HGS: variants seen among roughly 807,000 people sequenced by gnomAD.
HGS encodes hepatocyte growth factor-regulated tyrosine kinase substrate, also known as human growth factor-regulated tyrosine kinase substrate.
In HGS, 63 loss-of-function variants were observed where a neutral mutation model predicts 109.7. The ratio of observed to expected loss-of-function variants is 0.57; its 90% confidence interval spans 0.47 to 0.71. The LOEUF (loss-of-function observed/expected upper bound fraction) is 0.71. Among genes scored for constraint, HGS ranks in the 30% least tolerant of loss-of-function variants. The probability of loss-of-function intolerance (pLI) is 0.00; values close to 1 mark genes in which losing one functional copy is unlikely to be tolerated. For missense variants in HGS, 995 were observed against 1,068.3 expected (o/e 0.93, Z 0.96); for synonymous variants, 546 against 437.3 (o/e 1.25, Z -3.10).
intron 18 of HGS, chr17:81,697,591 C>G (rs2037174570): frequency 7.0e-6 from 1 of 143,802 alleles, no homozygotes; most frequent in Non-Finnish European, 1.5e-5. Flanking sequence ...CAGGGGTTTT[C>G]ACTGTGAAGT....
intron 5 of HGS, among the ~76,000 whole-genome samples, chr17:81,689,031 G>A (rs879481762): frequency 2.0e-5 from 3 of 152,250 alleles, no homozygotes; most frequent in East Asian, 1.9e-4. Context: ...CACGGCCCAC[G>A]GGCAGGGGCA....
intron 2 of HGS, among the ~76,000 whole-genome samples, chr17:81,685,915 C>T (rs532430155): frequency 6.6e-6 from 1 of 152,240 alleles, no homozygotes; most frequent in South Asian, 2.1e-4. Context: ...TCGGGGTTCT[C>T]AAAGACTAAG....
At position 81,697,019 on chromosome 17, in the gene HGS, A is replaced by G. The variant is rs760599355; in HGVS notation, c.1882+21A>G. 4 of 1,532,850 alleles carry G rather than the reference A, an allele frequency of 2.6e-6. No homozygotes were observed. In the African/African-American group the frequency reaches 4.2e-5, roughly 16 times the overall value. The allele number at this position is 1,532,850 out of a possible 1,614,324, so 95.0% of individuals were successfully genotyped here. On this transcript the variant is annotated intron_variant, in intron 18 of 21. Coordinates refer to ENST00000329138, the MANE Select transcript of HGS (RefSeq NM_004712.5). ...GGCTGGTAAGGACGGGTCGGGGCAG[A>G]GACCATGCCTTTTATCCCTCGTCTT...
chr17:81,687,903 C>T (rs1433187908), intron 4 of HGS, among the ~76,000 whole-genome samples: 1 of 152,336 alleles, frequency 6.6e-6, no homozygotes, highest in South Asian at 2.1e-4. Context: ...TGGCTGGCTT[C>T]CTGTCCCGTC....
At chr17:81,684,149 C>G in intron 1 of HGS, 46 bp downstream of exon 1, 1 of 1,464,836 alleles carries the variant, frequency 6.8e-7, no homozygotes, top group Non-Finnish European at 9.0e-7. Context: ...AGCCCGCAGC[C>G]TCCGCCCGGC....
intron 21 of HGS, 146 bp from the exon 22 acceptor site, chr17:81,701,362 A>G (rs955292170): frequency 4.2e-6 from 4 of 951,654 alleles, no homozygotes; most frequent in African/African-American, 1.6e-5. Flanking sequence ...TGAAAGGCAA[A>G]GGCCGCATGA....
At chr17:81,699,505 A>C (rs564613056) in intron 18 of HGS, among the ~76,000 whole-genome samples, 32 of 152,316 alleles carry the variant, frequency 2.1e-4, no homozygotes, top group African/African-American at 7.2e-4. Context: ...AGCTCACGGC[A>C]TTCTCCGCCT....
At chr17:81,701,170 G>A (rs779700927) in intron 21 of HGS, 39 bp downstream of exon 21, 5 of 1,548,076 alleles carry the variant, frequency 3.2e-6, no homozygotes, top group Non-Finnish European at 4.5e-6. Context: ...CACCCGCAGG[G>A]CACCCTCAGG....
Position 81,696,724 on chromosome 17 carries a change from G to T in HGS, c.1684G>T (p.Ala562Ser). The T allele has an allele frequency of 1.9e-6, 3 of 1,607,502 alleles. No individual in the cohort carries two copies. Among genetic ancestry groups the T allele is most frequent in the Admixed American group, 1.7e-5 (1 of 59,840 alleles). The change falls in exon 17 of 22, where the codon GCC becomes TCC. Residue 562 changes from alanine (A) to serine (S), a missense_variant. Physicochemically the swap from Ala to Ser is moderately conservative, Grantham distance 99. Coordinates refer to ENST00000329138, the MANE Select transcript of HGS (RefSeq NM_004712.5). ...GGTCCAGATGCGCGCGCAGATGCCC[G>T]CCTTCCCCCTGCCCTACGCCCAGGC... ...QTVQMRAQMPAFPLPYAQLQA... is the reference protein window; with the variant it reads ...QTVQMRAQMPSFPLPYAQLQA...
chr17:81,700,911 C>T, intron 20 of HGS, 97 bp downstream of exon 20: 3 of 1,546,072 alleles, frequency 1.9e-6, no homozygotes, highest in East Asian at 2.3e-5. Flanking sequence ...TGGGTGGGCT[C>T]CACCCCTTCT....
At chr17:81,692,795 A>G (rs2037084742) in intron 8 of HGS, 1 of 152,176 alleles carries the variant, frequency 6.6e-6, no homozygotes, top group African/African-American at 2.4e-5. Context: ...ATCCTGGCCA[A>G]CATGGTGAAA....
At position 81,701,741 on chromosome 17, in the gene HGS, A is replaced by AGG. The variant is rs776784182; in HGVS notation, c.*129_*130dup. ...CGGTAGTGTCCCTTCTCTGCGAGTGAGGGGGGGCCTTCACCCCAAGCCCAC... is the reference window on the plus strand; with the variant it reads ...CGGTAGTGTCCCTTCTCTGCGAGTGAGGGGGGGGGCCTTCACCCCAAGCCCAC... On this transcript the variant is annotated 3_prime_UTR_variant, in exon 22 of 22. Transcript: ENST00000329138. 1 of 1,393,918 alleles carries AGG rather than the reference A, an allele frequency of 7.2e-7. No individual in the cohort carries two copies. Among genetic ancestry groups the AGG allele is most frequent in the African/African-American group, 1.4e-5 (1 of 69,404 alleles). 86.3% of individuals were successfully genotyped at this position (1,393,918 alleles called of 1,614,324 possible).
At position 81,691,394 on chromosome 17, in the gene HGS, C is replaced by T. The variant is rs1213078132; in HGVS notation, c.538-53C>T. On this transcript the variant is annotated intron_variant, in intron 7 of 21. Transcript: ENST00000329138. This position sits in a 1 kb window ranked among gnomAD's most constrained non-coding sequence, Gnocchi z 5.3. ...TACGGGGTGGTTCTGGGCCGGGTGG[C>T]GCATCAGGGTCCCCCAGTGCCTGTG... 7.5e-6 allele frequency: 12 copies of T among 1,607,492 alleles called. No homozygotes were observed. The highest frequency in any genetic ancestry group is 9.3e-6 in the Non-Finnish European group (11 of 1,177,730).
At position 81,692,002 on chromosome 17, in the gene HGS, C is replaced by G. The variant is rs191948552; in HGVS notation, c.662+431C>G. ...TCGCAGAGTTTACTCTGCCTCCCCT[C>G]TCCTGCGCGTGCGTGTGTTCACACA... On this transcript the variant is annotated intron_variant, in intron 8 of 21. Coordinates refer to ENST00000329138, the MANE Select transcript of HGS (RefSeq NM_004712.5). 1.9e-4 allele frequency: 36 copies of G among 189,278 alleles called. 1 individual carries two copies. The East Asian group carries it at 3.7e-3, about 19-fold the overall frequency. The allele number at this position is 189,278 out of a possible 1,614,324, so 11.7% of individuals were successfully genotyped here.
In HGS at chr17:81,685,171, C is replaced by G. The variant is rs557010068; in HGVS notation, c.38-434C>G. The G allele has an allele frequency of 6.2e-6, 4 of 649,536 alleles. No homozygotes were observed. The African/African-American group carries it at 7.9e-5, about 13-fold the overall frequency. 40.2% of individuals were successfully genotyped at this position (649,536 alleles called of 1,614,324 possible). A position where few individuals can be genotyped will look rare whatever the true frequency, so the allele number is the denominator to read the frequency against. On this transcript the variant is annotated intron_variant, in intron 1 of 21. Transcript: ENST00000329138. ...AGTCTACACTGCAGGCCTCTCTAGCCCTTGCCCAAGCTAAGGTCCCATTGA... is the reference window on the plus strand; with the variant it reads ...AGTCTACACTGCAGGCCTCTCTAGCGCTTGCCCAAGCTAAGGTCCCATTGA...
At chr17:81,697,697 T>C (rs1363346662) in intron 18 of HGS, 1 of 152,256 alleles carries the variant, frequency 6.6e-6, no homozygotes, top group African/African-American at 2.4e-5. Flanking sequence ...GTTGCCTGTG[T>C]TTATTACGGT....
rs982526984 is a variant in HGS, at chr17:81,690,379, A to T, written c.468+145A>T. Reference sequence around the variant, plus strand: ...GAGGATGCCTGTGTGTCCTGGGCGGAGGCGTAGCAGCTGTCTCTGCAGGGC... The same window carrying T: ...GAGGATGCCTGTGTGTCCTGGGCGGTGGCGTAGCAGCTGTCTCTGCAGGGC... On this transcript the variant is annotated intron_variant, in intron 6 of 21. Transcript: ENST00000329138. 1.8e-5 allele frequency: 15 copies of T among 847,932 alleles called. No homozygotes were observed. The African/African-American group carries it at 2.5e-4, about 14-fold the overall frequency. The allele number at this position is 847,932 out of a possible 1,614,324, so 52.5% of individuals were successfully genotyped here.
At chr17:81,694,717 C>T in intron 11 of HGS, 98 bp from the exon 12 acceptor site, 2 of 1,466,006 alleles carry the variant, frequency 1.4e-6, no homozygotes, top group Non-Finnish European at 1.9e-6. Context: ...CAGGCTGCGG[C>T]TCTGGTCTCC....
intron 3 of HGS, 37 bp from the exon 4 acceptor site, chr17:81,686,966 C>G: frequency 6.4e-7 from 1 of 1,557,616 alleles, no homozygotes; most frequent in Non-Finnish European, 8.8e-7. Flanking sequence ...CCTGCCCTGA[C>G]CACTGGCCCA....
Sources: gnomAD v4.1 joint callset for allele counts (sites outside exome capture counted in the v4.1 genomes callset) on GRCh38, gnomAD v4.1.1 for gene constraint, Gnocchi (gnomAD v3.1) non-coding constraint, MANE v1.5 for transcripts, NCBI Gene and HGNC (gene_info 2026-07-23, HGNC 2026-07-21) for gene names.